The following PDCD6IP variants were observed in gnomAD, a reference collection of about 807,000 sequenced individuals.
The protein encoded by PDCD6IP is programmed cell death 6 interacting protein.
Under a neutral mutation model 103.7 loss-of-function variants are expected in PDCD6IP, and 43 were observed. The ratio of observed to expected loss-of-function variants is 0.41; its 90% CI spans 0.32 to 0.53. The LOEUF is 0.53. Ranked by LOEUF, PDCD6IP falls within the 20% of genes least tolerant of loss-of-function variation. The probability of loss-of-function intolerance (pLI) is 0.16; values close to 1 mark genes in which losing one functional copy is unlikely to be tolerated. For synonymous variants in PDCD6IP, 354 were observed against 378.7 expected, an observed-to-expected ratio of 0.93 and a Z score of 0.76; for missense variants, 871 against 1,036.7, an observed-to-expected ratio of 0.84 and a Z score of 2.20.
At chr3:33,809,685 A>G (rs1363823411) in intron 1 of PDCD6IP, among the ~76,000 whole-genome samples, 1 of 152,178 alleles carries the variant, frequency 6.6e-6, no homozygotes, top group Non-Finnish European at 1.5e-5. Flanking sequence ...GATTTTCCTA[A>G]TATTATTTAC....
At chr3:33,843,799 G>T (rs1282034251) in intron 10 of PDCD6IP, among the ~76,000 whole-genome samples, 1 of 150,152 alleles carries the variant, frequency 6.7e-6, no homozygotes, top group South Asian at 2.1e-4. Flanking sequence ...TTTGTTTATG[G>T]CTTCTATTTA....
chr3:33,829,010 A>AAT (rs1337025839), intron 7 of PDCD6IP, 41 bp downstream of exon 7: 2 of 1,492,638 alleles, frequency 1.3e-6, no homozygotes, highest in Non-Finnish European at 1.8e-6. Flanking sequence ...ACTAACTTGG[A>AAT]TCTCTCTTTT....
intron 1 of PDCD6IP, among the ~76,000 whole-genome samples, chr3:33,803,670 T>A (rs901343541): frequency 2.6e-5 from 4 of 152,180 alleles, no homozygotes; most frequent in African/African-American, 9.6e-5. Context: ...TTTTTTCTTA[T>A]TCCTAATGTT....
chr3:33,826,731 TTTAA>T, intron 6 of PDCD6IP, 151 bp downstream of exon 6: 1 of 1,391,684 alleles, frequency 7.2e-7, no homozygotes. Flanking sequence ...TTTTTTTTTT[TTTAA>T]TTTAAGATGC....
chr3:33,852,455 TTGC>T, intron 12 of PDCD6IP, 30 bp from the exon 13 acceptor site: 2 of 1,342,444 alleles, frequency 1.5e-6, no homozygotes, highest in Admixed American at 3.0e-5. Context: ...TTTTTTTTTT[TTGC>T]AGTTAAACTA....
At chr3:33,806,443 G>A (rs4234265) in intron 1 of PDCD6IP, among the ~76,000 whole-genome samples, 33,382 of 152,108 alleles carry the variant, frequency 0.22, 3,999 homozygotes, top group East Asian at 0.39. Flanking sequence ...GAAAGACTGT[G>A]ACATTATACC....
rs762538323 is a variant in PDCD6IP, at chr3:33,826,597, A to G, written c.717+17A>G. The stretch of plus-strand genomic sequence containing the variant: ...CTCCCCAAGGTCAGTTATTGTTTTT[A>G]TAAACACTTGCTTACTTTGCATGTG... On this transcript the variant is annotated intron_variant, in intron 6 of 17. Coordinates refer to ENST00000307296, the MANE Select transcript of PDCD6IP (RefSeq NM_013374.6). 3 of 1,610,922 alleles carry G rather than the reference A, an allele frequency of 1.9e-6. No homozygotes were observed. The Admixed American group carries it at 5.0e-5, about 27-fold the overall frequency.
At chr3:33,853,436 A>G (rs1341453426) in intron 13 of PDCD6IP, among the ~76,000 whole-genome samples, 3 of 152,208 alleles carry the variant, frequency 2.0e-5, no homozygotes, top group African/African-American at 7.2e-5. Context: ...TGCAAAGTAA[A>G]TATGTTGAGA....
chr3:33,853,311 A>T (rs1381554755), intron 13 of PDCD6IP, among the ~76,000 whole-genome samples: 1 of 152,150 alleles, frequency 6.6e-6, no homozygotes, highest in East Asian at 1.9e-4. Context: ...CAAGTTTTTA[A>T]TAGCTTTGGT....
At chr3:33,804,159 G>T (rs1696539944) in intron 1 of PDCD6IP, among the ~76,000 whole-genome samples, 1 of 152,134 alleles carries the variant, frequency 6.6e-6, no homozygotes, top group Non-Finnish European at 1.5e-5. Context: ...AGTAAAGCAG[G>T]GTTTTATTGG....
At chr3:33,841,730 G>T (rs1344787453) in intron 9 of PDCD6IP, among the ~76,000 whole-genome samples, 167 bp from the exon 10 acceptor site, 1 of 152,080 alleles carries the variant, frequency 6.6e-6, no homozygotes, top group Non-Finnish European at 1.5e-5. Flanking sequence ...GAGCCACCGC[G>T]CCCGGCCTTT....
At chr3:33,852,890 G>GGC (rs1697749369) in intron 13 of PDCD6IP, among the ~76,000 whole-genome samples, 154 bp downstream of exon 13, 1 of 151,382 alleles carries the variant, frequency 6.6e-6, no homozygotes, top group African/African-American at 2.4e-5. Flanking sequence ...AATTAAACTT[G>GGC]GCACATCAGT....
At chr3:33,863,456 C>T (rs1356505457) in intron 15 of PDCD6IP, among the ~76,000 whole-genome samples, 1 of 152,172 alleles carries the variant, frequency 6.6e-6, no homozygotes, top group Non-Finnish European at 1.5e-5. Flanking sequence ...ACTCTAGTAA[C>T]CATCATTCTA....
In PDCD6IP at chr3:33,846,669, G is replaced by A. The variant is rs563337198; in HGVS notation, c.1641+1081G>A. On this transcript the variant is annotated intron_variant, in intron 12 of 17. Coordinates refer to ENST00000307296, the MANE Select transcript of PDCD6IP (RefSeq NM_013374.6). The stretch of plus-strand genomic sequence containing the variant: ...AAACGTGTAGGATCGGAGAAGGGCT[G>A]AGTAGTGGCTGTGTCTAGAGAGTTA... Among the ~76,000 whole-genome samples, 40 of 152,342 alleles carry A rather than the reference G, an allele frequency of 2.6e-4. 1 individual carries two copies. The East Asian group carries it at 7.1e-3, about 27-fold the overall frequency.
intron 3 of PDCD6IP, among the ~76,000 whole-genome samples, chr3:33,819,442 C>G (rs1389106207): frequency 6.6e-6 from 1 of 152,082 alleles, no homozygotes; most frequent in Non-Finnish European, 1.5e-5. Flanking sequence ...CATTGCTCTT[C>G]CTTTATTTTG....
Position 33,864,044 on chromosome 3 carries a change from CTTCAATT to C in PDCD6IP, c.2160_2166del (p.Ser721LeufsTer155). ...AGCATTGCCAGAGAACCTAGTGCTC[CTTCAATT>C]CCTACACCTGCGTATCAGTCCTCAC... On this transcript the variant is annotated frameshift_variant, in exon 16 of 18. Coordinates refer to ENST00000307296, the MANE Select transcript of PDCD6IP (RefSeq NM_013374.6). LOFTEE classifies it high-confidence loss of function. 1 of 1,614,020 alleles carries C rather than the reference CTTCAATT, an allele frequency of 6.2e-7. No individual in the cohort carries two copies. Among genetic ancestry groups the C allele is most frequent in the African/African-American group, 1.3e-5 (1 of 75,028 alleles).
At chr3:33,866,292 T>G in intron 17 of PDCD6IP, 59 bp from the exon 18 acceptor site, 3 of 1,034,732 alleles carry the variant, frequency 2.9e-6, no homozygotes, top group Non-Finnish European at 4.1e-6. Context: ...AGAATGATTA[T>G]TGTTTTATTT....
chr3:33,809,146 A>T (rs1291138610), intron 1 of PDCD6IP, among the ~76,000 whole-genome samples: 4 of 152,202 alleles, frequency 2.6e-5, no homozygotes, highest in South Asian at 4.1e-4. Flanking sequence ...TTGTCTCTTT[A>T]TTCTCCATGG....
chr3:33,831,307 T>C (rs1697239757), intron 7 of PDCD6IP, among the ~76,000 whole-genome samples: 2 of 151,996 alleles, frequency 1.3e-5, no homozygotes. Context: ...TTTATTTGAC[T>C]CATTAATGAG....
Sources: gnomAD v4.1 joint callset for allele counts (sites outside exome capture counted in the v4.1 genomes callset) on GRCh38, gnomAD v4.1.1 for gene constraint, MANE v1.5 for transcripts, NCBI Gene and HGNC (gene_info 2026-07-23, HGNC 2026-07-21) for gene names.